Variants in BMP7 observed in about 807,000 individuals in gnomAD.
The protein encoded by BMP7 is osteogenic protein 1.
Under a neutral mutation model 41.2 loss-of-function variants are expected in BMP7, and 12 were observed. The observed-to-expected ratio is 0.29, with a 90% CI of 0.19 to 0.47. The LOEUF is 0.47. Among genes scored for constraint, BMP7 ranks in the 20% least tolerant of loss-of-function variants. The pLI is 0.99. For missense variants in BMP7, 467 were observed against 606.0 expected, an observed-to-expected ratio of 0.77 and a Z score of 2.41; for synonymous variants, 248 against 250.0, an observed-to-expected ratio of 0.99 and a Z score of 0.07.
chr20:57,253,327 G>C (rs1381022486), intron 1 of BMP7, among the ~76,000 whole-genome samples: 5 of 152,134 alleles, frequency 3.3e-5, no homozygotes, highest in Non-Finnish European at 7.3e-5. Context: ...TTGAGAAGTG[G>C]GAAGATTGGG....
intron 1 of BMP7, among the ~76,000 whole-genome samples, chr20:57,240,644 T>C (rs2066065034): frequency 1.3e-5 from 2 of 152,074 alleles, no homozygotes; most frequent in Non-Finnish European, 2.9e-5. Context: ...AAGGTTTAAT[T>C]GGACTTACAG....
chr20:57,256,842 C>T (rs1051164069), intron 1 of BMP7, among the ~76,000 whole-genome samples: 7 of 151,900 alleles, frequency 4.6e-5, no homozygotes, highest in African/African-American at 1.2e-4. Flanking sequence ...GAGCCAAGAT[C>T]GCGCCACTGC....
intron 3 of BMP7, among the ~76,000 whole-genome samples, chr20:57,188,552 A>G (rs1984274577): frequency 6.6e-6 from 1 of 152,134 alleles, no homozygotes; most frequent in African/African-American, 2.4e-5. Context: ...ATACTAAAAA[A>G]AAAAAAAAAA....
chr20:57,199,127 G>A (rs1357804176), intron 3 of BMP7, among the ~76,000 whole-genome samples: 2 of 152,168 alleles, frequency 1.3e-5, no homozygotes, highest in African/African-American at 4.8e-5. Context: ...AGGGACCAGG[G>A]TCTCTGCAGC....
intron 2 of BMP7, among the ~76,000 whole-genome samples, chr20:57,208,220 T>C (rs1984789054): frequency 6.6e-6 from 1 of 152,198 alleles, no homozygotes. Flanking sequence ...GAAGGAGTGT[T>C]TGAAACCCAT....
chr20:57,183,969 C>A, intron 3 of BMP7, 50 bp from the exon 4 acceptor site: 4 of 1,594,564 alleles, frequency 2.5e-6, no homozygotes, highest in Non-Finnish European at 3.4e-6. Context: ...AGGAGGGCCA[C>A]GAGCGGGACA....
intron 3 of BMP7, among the ~76,000 whole-genome samples, chr20:57,187,584 T>TCTCC (rs55850229): frequency 1.3e-5 from 2 of 150,014 alleles, no homozygotes; most frequent in Non-Finnish European, 3.0e-5. Flanking sequence ...TCTCTCTCTC[T>TCTCC]ACACGATTGA....
At chr20:57,175,775 C>T (rs1299537158) in intron 4 of BMP7, among the ~76,000 whole-genome samples, 1 of 152,214 alleles carries the variant, frequency 6.6e-6, no homozygotes, top group African/African-American at 2.4e-5. Context: ...CTTTCCTCCA[C>T]CTACAACTTC....
chr20:57,200,790 CA>C (rs1039089310), intron 3 of BMP7, among the ~76,000 whole-genome samples: 1 of 149,710 alleles, frequency 6.7e-6, no homozygotes, highest in Non-Finnish European at 1.5e-5. Context: ...GACTCCATCT[CA>C]AAAAAAAATA....
intron 1 of BMP7, among the ~76,000 whole-genome samples, chr20:57,240,003 C>T (rs1264385022): frequency 6.6e-6 from 1 of 152,208 alleles, no homozygotes; most frequent in Non-Finnish European, 1.5e-5. Flanking sequence ...GACATTCTCC[C>T]CATGGTCTTG....
At chr20:57,248,110 T>C (rs1452240900) in intron 1 of BMP7, among the ~76,000 whole-genome samples, 3 of 152,232 alleles carry the variant, frequency 2.0e-5, no homozygotes, top group Non-Finnish European at 4.4e-5. Context: ...CAACCTTCTG[T>C]ATATATTCAC....
intron 3 of BMP7, among the ~76,000 whole-genome samples, chr20:57,192,258 AG>A (rs1984383480): frequency 7.6e-6 from 1 of 130,868 alleles, no homozygotes; most frequent in Non-Finnish European, 1.5e-5. Flanking sequence ...TATATACTAT[AG>A]TATATATAGT....
intron 2 of BMP7, among the ~76,000 whole-genome samples, chr20:57,212,714 C>T (rs956652106): frequency 2.0e-5 from 3 of 152,316 alleles, no homozygotes; most frequent in Admixed American, 6.5e-5. Flanking sequence ...AACTGCAACC[C>T]GCCGTGCACC....
chr20:57,176,750 T>TCA (rs60465573), intron 4 of BMP7, among the ~76,000 whole-genome samples: 7,824 of 135,394 alleles, frequency 0.058, 267 homozygotes, highest in Middle Eastern at 0.1. Context: ...CATTCTCCAT[T>TCA]CACACACACA....
At chr20:57,223,863 C>A (rs906986675) in intron 2 of BMP7, among the ~76,000 whole-genome samples, 1 of 152,120 alleles carries the variant, frequency 6.6e-6, no homozygotes, top group Non-Finnish European at 1.5e-5. Flanking sequence ...GTCATGAATC[C>A]GCACATCATA....
chr20:57,179,472 G>A (rs1378415485), intron 4 of BMP7, among the ~76,000 whole-genome samples: 1 of 152,242 alleles, frequency 6.6e-6, no homozygotes. Context: ...AGAAGGAAGT[G>A]CAGGGACCCA....
At position 57,171,238 on chromosome 20, in the gene BMP7, G is replaced by A. The variant is rs1983810360; in HGVS notation, c.1147-130C>T. On this transcript the variant is annotated intron_variant, in intron 6 of 6. Coordinates refer to ENST00000395863, the MANE Select transcript of BMP7 (RefSeq NM_001719.3). This position sits in a 1 kb window ranked among gnomAD's most constrained non-coding sequence, Gnocchi z 4.5. ...CTGCAGGTGACACTCCCCAAGCCAA[G>A]CACTCCCTGTTCTAAGCACTTTACA... The A allele has an allele frequency of 5.3e-6, 7 of 1,318,300 alleles. No homozygotes were observed. Among genetic ancestry groups the A allele is most frequent in the Non-Finnish European group, 6.4e-6 (6 of 934,194 alleles). The allele number at this position is 1,318,300 out of a possible 1,614,324, so 81.7% of individuals were successfully genotyped here. A position where few individuals can be genotyped will look rare whatever the true frequency, so the allele number is the denominator to read the frequency against.
At position 57,261,436 on chromosome 20, in the gene BMP7, C is replaced by A. The variant is rs913611718; in HGVS notation, c.418+4269G>T. On this transcript the variant is annotated intron_variant, in intron 1 of 6. Transcript: ENST00000395863. The surrounding 1 kb of genome is among the most constrained non-coding windows in gnomAD (Gnocchi z 4.1). ...GTTGGCATCCAGGGCTCAGCCTTACCCTGCCTTGATTCCAGAAGGAAAATA... is the reference window on the plus strand; with the variant it reads ...GTTGGCATCCAGGGCTCAGCCTTACACTGCCTTGATTCCAGAAGGAAAATA... Among the ~76,000 whole-genome samples, 3 of 152,136 alleles carry A rather than the reference C, an allele frequency of 2.0e-5. No individual in the cohort carries two copies. The highest frequency in any genetic ancestry group is 4.8e-5 in the African/African-American group (2 of 41,416).
chr20:57,241,956 T>A (rs1381153526), intron 1 of BMP7, among the ~76,000 whole-genome samples: 1 of 152,166 alleles, frequency 6.6e-6, no homozygotes, highest in East Asian at 1.9e-4. Context: ...CAGATGCCCG[T>A]AGAGCTGAAA....
Sources: allele counts gnomAD v4.1 joint callset (sites outside exome capture counted in the v4.1 genomes callset), GRCh38; gene constraint gnomAD v4.1.1; non-coding constraint Gnocchi (gnomAD v3.1); transcripts MANE v1.5; gene names NCBI Gene and HGNC (gene_info 2026-07-23, HGNC 2026-07-21).